The following CAMK2D variants were observed in gnomAD, a reference collection of about 807,000 sequenced individuals.
CAMK2D encodes calcium/calmodulin-dependent protein kinase type II subunit delta.
Under a neutral mutation model 84.0 loss-of-function variants are expected in CAMK2D, and 37 were observed. That is an observed-to-expected ratio of 0.44 (90% CI 0.34 to 0.58). The LOEUF is 0.58. CAMK2D is among the 20% of genes least tolerant of loss of function. The pLI is 0.02. For missense variants in CAMK2D, 448 were observed against 652.5 expected (o/e 0.69, Z 3.41); for synonymous variants, 202 against 212.5 (o/e 0.95, Z 0.43).
chr4:113,483,040 C>T (rs958426135), intron 16 of CAMK2D, among the ~76,000 whole-genome samples: 2 of 152,188 alleles, frequency 1.3e-5, no homozygotes, highest in African/African-American at 4.8e-5. Flanking sequence ...CTACCTAATT[C>T]ACTGAGTTTC....
intron 2 of CAMK2D, among the ~76,000 whole-genome samples, chr4:113,696,963 T>C (rs1176303158): frequency 6.6e-6 from 1 of 152,048 alleles, no homozygotes; most frequent in African/African-American, 2.4e-5. Context: ...TGAGGTAGTA[T>C]GAAAAGCAGC....
At chr4:113,724,917 T>C (rs1429799399) in intron 2 of CAMK2D, among the ~76,000 whole-genome samples, 2 of 152,022 alleles carry the variant, frequency 1.3e-5, no homozygotes, top group African/African-American at 2.4e-5. Context: ...CTTTAACCAA[T>C]ACAGTGGTCA....
rs552323978 is a variant in CAMK2D, at chr4:113,457,647, G to T, written c.1307-84C>A. On this transcript the variant is annotated intron_variant, in intron 18 of 20. Transcript: ENST00000511664. ...AGTAATAACTTCAGTTAGGACCAAT[G>T]AATGAAATGACATTTATTCACTCAC... 3 of 978,432 alleles carry T rather than the reference G, an allele frequency of 3.1e-6. No individual in the cohort carries two copies. The Admixed American group carries it at 6.3e-5, about 21-fold the overall frequency. The allele number at this position is 978,432 out of a possible 1,614,324, so 60.6% of individuals were successfully genotyped here.
intron 3 of CAMK2D, among the ~76,000 whole-genome samples, chr4:113,657,469 A>G (rs1361528279): frequency 6.6e-6 from 1 of 152,104 alleles, no homozygotes; most frequent in Non-Finnish European, 1.5e-5. Flanking sequence ...TTCATGATAT[A>G]TCTAAAGGGG....
chr4:113,684,668 A>G (rs1214088193), intron 2 of CAMK2D, among the ~76,000 whole-genome samples: 1 of 152,210 alleles, frequency 6.6e-6, no homozygotes, highest in Non-Finnish European at 1.5e-5. Flanking sequence ...CTTTCTGCCC[A>G]GAAAGTCTCA....
chr4:113,568,670 T>C (rs1473149724), intron 4 of CAMK2D, among the ~76,000 whole-genome samples: 1 of 152,238 alleles, frequency 6.6e-6, no homozygotes, highest in Admixed American at 6.5e-5. Flanking sequence ...ACAGCTGCTG[T>C]GCCATTTTAC....
intron 8 of CAMK2D, among the ~76,000 whole-genome samples, chr4:113,522,746 A>G (rs1356309180): frequency 1.3e-5 from 2 of 152,196 alleles, no homozygotes; most frequent in Non-Finnish European, 2.9e-5. Flanking sequence ...GAAGCAAGAA[A>G]CTGATAGTTT....
chr4:113,589,399 G>A (rs1028643051), intron 4 of CAMK2D, among the ~76,000 whole-genome samples: 1 of 151,922 alleles, frequency 6.6e-6, no homozygotes, highest in Non-Finnish European at 1.5e-5. Context: ...GATTCAAGAA[G>A]TGCAAATGTC....
intron 2 of CAMK2D, among the ~76,000 whole-genome samples, chr4:113,668,470 A>G (rs1476607336): frequency 6.6e-6 from 1 of 152,242 alleles, no homozygotes; most frequent in East Asian, 1.9e-4. Flanking sequence ...GAGGTCCTCA[A>G]AAAATTATAG....
intron 2 of CAMK2D, among the ~76,000 whole-genome samples, chr4:113,663,506 T>C (rs1341240508): frequency 6.6e-6 from 1 of 151,864 alleles, no homozygotes; most frequent in East Asian, 1.9e-4. Context: ...GAAGAATCAC[T>C]TGAACCCGGG....
intron 2 of CAMK2D, among the ~76,000 whole-genome samples, chr4:113,686,404 T>G (rs2099360017): frequency 6.6e-6 from 1 of 152,186 alleles, no homozygotes; most frequent in Non-Finnish European, 1.5e-5. Flanking sequence ...AAGTTTTCCC[T>G]TACAAAAGTA....
intron 5 of CAMK2D, among the ~76,000 whole-genome samples, chr4:113,549,045 T>C (rs1475377633): frequency 1.3e-5 from 2 of 152,186 alleles, no homozygotes; most frequent in Admixed American, 6.5e-5. Context: ...AAGAAAAATT[T>C]ATAAAGAATT....
At chr4:113,561,333 ACATGCCTGGG>A (rs938012483) in intron 4 of CAMK2D, among the ~76,000 whole-genome samples, 1 of 152,090 alleles carries the variant, frequency 6.6e-6, no homozygotes, top group Non-Finnish European at 1.5e-5. Context: ...AATTAGCTGG[ACATGCCTGGG>A]CATGCCTGTA....
At chr4:113,729,299 T>C (rs992340638) in intron 2 of CAMK2D, among the ~76,000 whole-genome samples, 6 of 152,212 alleles carry the variant, frequency 3.9e-5, no homozygotes, top group Admixed American at 3.3e-4. Flanking sequence ...TGGCTGACCA[T>C]GCTCTCTTAA....
intron 16 of CAMK2D, among the ~76,000 whole-genome samples, chr4:113,467,954 T>TTA (rs970596914): frequency 1.3e-5 from 2 of 151,820 alleles, no homozygotes; most frequent in African/African-American, 4.8e-5. Context: ...TAACAGATTT[T>TTA]TTTTTTTGGT....
At chr4:113,756,641 A>G (rs1363846234) in intron 2 of CAMK2D, among the ~76,000 whole-genome samples, 1 of 152,126 alleles carries the variant, frequency 6.6e-6, no homozygotes, top group Non-Finnish European at 1.5e-5. Context: ...TCCTCTTAAT[A>G]TACTACTTCA....
intron 3 of CAMK2D, among the ~76,000 whole-genome samples, chr4:113,655,828 T>A (rs904362007): frequency 3.3e-5 from 5 of 152,126 alleles, no homozygotes; most frequent in Non-Finnish European, 2.9e-5. Context: ...CTCTTATGGT[T>A]GAATTAAATG....
intron 2 of CAMK2D, among the ~76,000 whole-genome samples, chr4:113,757,587 G>A (rs1309548282): frequency 1.3e-5 from 2 of 152,060 alleles, no homozygotes; most frequent in South Asian, 2.1e-4. Flanking sequence ...TGCAGAAAAC[G>A]GGCAAGAAGA....
chr4:113,723,065 A>C (rs1178362509), intron 2 of CAMK2D, among the ~76,000 whole-genome samples: 2 of 152,108 alleles, frequency 1.3e-5, no homozygotes, highest in African/African-American at 4.8e-5. Context: ...TATAACTCTT[A>C]AGAAAGAGTT....
Sources: gnomAD v4.1 joint callset for allele counts (sites outside exome capture counted in the v4.1 genomes callset) on GRCh38, gnomAD v4.1.1 for gene constraint, MANE v1.5 for transcripts, NCBI Gene and HGNC (gene_info 2026-07-23, HGNC 2026-07-21) for gene names.